KIF5A: variants seen among roughly 807,000 people sequenced by gnomAD.
KIF5A encodes the protein kinesin heavy chain isoform 5A.
Under a neutral mutation model 141.3 loss-of-function variants are expected in KIF5A, and 35 were observed. The ratio of observed to expected loss-of-function variants is 0.25; its 90% CI spans 0.19 to 0.33. The LOEUF (loss-of-function observed/expected upper bound fraction) is 0.33, where lower values mean the gene tolerates loss of function less well. Among genes scored for constraint, KIF5A ranks in the 10% least tolerant of loss-of-function variants. KIF5A has a pLI of 1.00. For missense variants in KIF5A, 861 were observed against 1,314.3 expected, an observed-to-expected ratio of 0.66 and a Z score of 5.33; for synonymous variants, 448 against 500.2, an observed-to-expected ratio of 0.90 and a Z score of 1.39.
chr12:57,569,917 G>A (rs11609196), intron 11 of KIF5A, 70 bp from the exon 12 acceptor site: 15,841 of 1,549,328 alleles, frequency 0.01, 117 homozygotes, highest in Middle Eastern at 0.023. Context: ...GGCATGGTGA[G>A]TGAGAAGGAA....
intron 1 of KIF5A, among the ~76,000 whole-genome samples, chr12:57,554,926 T>G (rs1191734684): frequency 1.3e-5 from 2 of 152,212 alleles, no homozygotes; most frequent in Non-Finnish European, 2.9e-5. Flanking sequence ...CTTCCCACCA[T>G]GCCCCACCTC....
rs1178913698 is a variant in KIF5A at position 57,567,128 on chromosome 12, T to C, written c.504T>C (p.Gly168=). The part of the protein sequence containing the change: ...EDKNRVPFVK[G]CTERFVSSPE... ...CACTGTCCATTTGTCCCCCACAGGG[T>C]TGTACTGAACGCTTTGTGTCCAGCC... Residue 168 remains glycine (G), a splice_region_variant and synonymous_variant, in exon 7 of 29, where the codon GGT becomes GGC. Coordinates refer to ENST00000455537, the MANE Select transcript of KIF5A (RefSeq NM_004984.4). 7 of 1,608,632 alleles carry C rather than the reference T, an allele frequency of 4.4e-6. 1 individual carries two copies. The Admixed American group carries it at 1.2e-4, about 27-fold the overall frequency.
At position 57,550,455 on chromosome 12, in the gene KIF5A, G is replaced by T; in HGVS notation, c.129+55G>T. On this transcript the variant is annotated intron_variant, in intron 1 of 28. Coordinates refer to ENST00000455537, the MANE Select transcript of KIF5A (RefSeq NM_004984.4). This position sits in a 1 kb window ranked among gnomAD's most constrained non-coding sequence, Gnocchi z 4.6. ...AGGGGGCAGGTGGCTGAATCTCCCC[G>T]CCCCCCGCAGAGCCTTAGTCTCTGC... 6.3e-7 allele frequency: 1 copy of T among 1,586,060 alleles called. No individual in the cohort carries two copies. Among genetic ancestry groups the T allele is most frequent in the Non-Finnish European group, 8.6e-7 (1 of 1,157,422 alleles).
intron 1 of KIF5A, among the ~76,000 whole-genome samples, chr12:57,552,602 T>G (rs1461795601): frequency 6.6e-6 from 1 of 152,116 alleles, no homozygotes; most frequent in African/African-American, 2.4e-5. Flanking sequence ...CATTCATCAT[T>G]TAGGGAATGA....
At chr12:57,556,283 C>T (rs1233347283) in intron 1 of KIF5A, among the ~76,000 whole-genome samples, 1 of 151,978 alleles carries the variant, frequency 6.6e-6, no homozygotes, top group African/African-American at 2.4e-5. Flanking sequence ...GGACTACAGG[C>T]GCCTGCCACC....
chr12:57,565,098 G>A (rs1225162998), intron 6 of KIF5A, 125 bp downstream of exon 6: 3 of 850,652 alleles, frequency 3.5e-6, no homozygotes, highest in African/African-American at 3.3e-5. Context: ...TGTGCCTAGG[G>A]GCCAGGGAGA....
At chr12:57,574,972 C>T in intron 15 of KIF5A, 112 bp from the exon 16 acceptor site, 2 of 901,128 alleles carry the variant, frequency 2.2e-6, no homozygotes, top group Admixed American at 1.9e-5. Flanking sequence ...AAATACCCAT[C>T]CCATTTGAGT....
rs1192609625 is a variant in KIF5A at position 57,572,956 on chromosome 12, G to A, written c.1716+230G>A. Among the ~76,000 whole-genome samples, 4 of 152,342 alleles carry A rather than the reference G, an allele frequency of 2.6e-5. No individual in the cohort carries two copies. The highest frequency in any genetic ancestry group is 2.1e-4 in the South Asian group (1 of 4,830). ...TGTAATCCCAGCACTTTGGGAGGCCGAGGCAGGCGGATCACTTGAGGTCAG... is the reference window on the plus strand; with the variant it reads ...TGTAATCCCAGCACTTTGGGAGGCCAAGGCAGGCGGATCACTTGAGGTCAG... On this transcript the variant is annotated intron_variant, in intron 15 of 28. Transcript: ENST00000455537. The surrounding 1 kb of genome is among the most constrained non-coding windows in gnomAD (Gnocchi z 4.2).
intron 20 of KIF5A, 84 bp downstream of exon 20, chr12:57,576,946 C>A: frequency 1.0e-6 from 1 of 958,214 alleles, no homozygotes; most frequent in Non-Finnish European, 1.7e-6. Context: ...AGGCAGGACA[C>A]ACATGCAGAC....
At chr12:57,578,207 C>A in intron 22 of KIF5A, 31 bp from the exon 23 acceptor site, 1 of 1,594,766 alleles carries the variant, frequency 6.3e-7, no homozygotes. Context: ...GGCCTCAGGA[C>A]AGCCACGTCT....
intron 1 of KIF5A, among the ~76,000 whole-genome samples, chr12:57,555,307 A>C (rs1175618513): frequency 6.6e-6 from 1 of 152,198 alleles, no homozygotes; most frequent in Non-Finnish European, 1.5e-5. Flanking sequence ...TATTTTCATG[A>C]AAAGATCACT....
Position 57,575,948 on chromosome 12 carries a change from T to C in KIF5A, c.2024-139T>C, listed in dbSNP as rs912323068. The C allele has an allele frequency of 6.4e-6, 6 of 938,338 alleles. No individual in the cohort carries two copies. In the African/African-American group the frequency reaches 6.5e-5, roughly 10 times the overall value. 58.1% of individuals were successfully genotyped at this position (938,338 alleles called of 1,614,324 possible). ...ACACCCTTGTTCTCTGTTCCTGCTA[T>C]ATCAAATTGGACAGTCCTAACACAG... On this transcript the variant is annotated intron_variant, in intron 17 of 28. Coordinates refer to ENST00000455537, the MANE Select transcript of KIF5A (RefSeq NM_004984.4).
chr12:57,571,801 T>C (rs575273116), intron 13 of KIF5A, among the ~76,000 whole-genome samples: 1 of 152,114 alleles, frequency 6.6e-6, no homozygotes, highest in African/African-American at 2.4e-5. Flanking sequence ...TCAGGCAATG[T>C]GCCCACCTAG....
At position 57,567,627 on chromosome 12, in the gene KIF5A, T is replaced by C. The variant is rs878854750; in HGVS notation, c.714+9T>C. ...TGGCAGGGAGTGAGAAGGTAGGGGG[T>C]CCTGTGGATATGGGGTGGGTGGAAG... On this transcript the variant is annotated intron_variant, in intron 8 of 28. Transcript: ENST00000455537. 8 of 1,602,706 alleles carry C rather than the reference T, an allele frequency of 5.0e-6. No individual in the cohort carries two copies. The highest frequency in any genetic ancestry group is 6.8e-6 in the Non-Finnish European group (8 of 1,175,106).
At chr12:57,576,048 G>A (rs760340466) in intron 17 of KIF5A, 39 bp from the exon 18 acceptor site, 2 of 1,596,714 alleles carry the variant, frequency 1.3e-6, no homozygotes, top group East Asian at 2.2e-5. Context: ...TCCGAAAGAG[G>A]TAGGTTTGAT....
chr12:57,572,829 G>A lies in KIF5A; in HGVS notation c.1716+103G>A, dbSNP rs1270079636. ...AGATACTGAGAAAGGCAGCCAGAGA[G>A]CCAGGAAACATGCCTTTGAACTAGA... On this transcript the variant is annotated intron_variant, in intron 15 of 28. Transcript: ENST00000455537. This position sits in a 1 kb window ranked among gnomAD's most constrained non-coding sequence, Gnocchi z 4.2. The A allele has an allele frequency of 7.2e-7, 1 of 1,387,854 alleles. No homozygotes were observed. Among genetic ancestry groups the A allele is most frequent in the Non-Finnish European group, 1.0e-6 (1 of 975,286 alleles). The allele number at this position is 1,387,854 out of a possible 1,614,324, so 86.0% of individuals were successfully genotyped here.
rs534511422 is a variant in KIF5A, at chr12:57,562,927, C to T, written c.130-512C>T. On this transcript the variant is annotated intron_variant, in intron 1 of 28. Transcript: ENST00000455537. ...GATCCCCTAACACAATCTCACTGTG[C>T]GACACTCCTCTACCCCACAGACACA... Among the ~76,000 whole-genome samples, 4 of 152,176 alleles carry T rather than the reference C, an allele frequency of 2.6e-5. No homozygotes were observed. In the South Asian group the frequency reaches 6.2e-4, roughly 24 times the overall value.
At chr12:57,566,906 G>T (rs202242328) in intron 6 of KIF5A, among the ~76,000 whole-genome samples, 1 of 151,850 alleles carries the variant, frequency 6.6e-6, no homozygotes, top group African/African-American at 2.4e-5. Flanking sequence ...CGGGCGTGTT[G>T]GCTCATGCCT....
intron 1 of KIF5A, among the ~76,000 whole-genome samples, chr12:57,559,207 C>T (rs117022050): frequency 1.2e-4 from 18 of 152,132 alleles, no homozygotes; most frequent in Non-Finnish European, 2.9e-5. Context: ...TGCATATGTG[C>T]AGTATGTCTA....
Sources: allele counts gnomAD v4.1 joint callset (sites outside exome capture counted in the v4.1 genomes callset), GRCh38; gene constraint gnomAD v4.1.1; non-coding constraint Gnocchi (gnomAD v3.1); transcripts MANE v1.5; gene names NCBI Gene and HGNC (gene_info 2026-07-23, HGNC 2026-07-21).